Variants in PLCG2 observed in about 807,000 individuals in gnomAD.
The protein encoded by PLCG2 is 1-phosphatidylinositol 4,5-bisphosphate phosphodiesterase gamma-2.
In PLCG2, 69 loss-of-function variants were observed where a neutral mutation model predicts 175.6. The ratio of observed to expected loss-of-function variants is 0.39; its 90% CI spans 0.32 to 0.48. PLCG2 has a LOEUF of 0.48. Ranked by LOEUF, PLCG2 falls within the 20% of genes least tolerant of loss-of-function variation. PLCG2 has a pLI of 0.91. For synonymous variants in PLCG2, 827 were observed against 624.0 expected, an observed-to-expected ratio of 1.33 and a Z score of -4.85; for missense variants, 1,798 against 1,650.9, an observed-to-expected ratio of 1.09 and a Z score of -1.54.
At chr16:81,816,313 G>T (rs892720645) in intron 2 of PLCG2, among the ~76,000 whole-genome samples, 1 of 152,150 alleles carries the variant, frequency 6.6e-6, no homozygotes, top group African/African-American at 2.4e-5. Context: ...GGAAGTTACA[G>T]TGAGTCCAAA....
chr16:81,811,590 A>C (rs1028160813), intron 2 of PLCG2, among the ~76,000 whole-genome samples: 4 of 151,698 alleles, frequency 2.6e-5, no homozygotes, highest in Non-Finnish European at 4.4e-5. Flanking sequence ...TCATTGTTCA[A>C]CTCGCACTTA....
At chr16:81,919,148 C>G (rs1909959508) in intron 19 of PLCG2, among the ~76,000 whole-genome samples, 1 of 152,132 alleles carries the variant, frequency 6.6e-6, no homozygotes, top group African/African-American at 2.4e-5. Flanking sequence ...TTTATAAAAG[C>G]AGGTGGTGGG....
chr16:81,818,638 T>G (rs571700212), intron 2 of PLCG2, among the ~76,000 whole-genome samples: 1 of 152,116 alleles, frequency 6.6e-6, no homozygotes, highest in African/African-American at 2.4e-5. Context: ...CAGAGCCAAC[T>G]AGCCGGGCAT....
intron 2 of PLCG2, among the ~76,000 whole-genome samples, chr16:81,760,742 C>A (rs183878108): frequency 1.3e-5 from 1 of 78,846 alleles, no homozygotes; most frequent in East Asian, 4.3e-4. Context: ...GAGACCCCGT[C>A]TCTATTAAAA....
chr16:81,799,598 ATTTT>A (rs35033377), intron 2 of PLCG2, among the ~76,000 whole-genome samples: 1 of 134,646 alleles, frequency 7.4e-6, no homozygotes. Flanking sequence ...CCTGTTATTA[ATTTT>A]TTTTTTTTTT....
chr16:81,927,734 A>T (rs1204341794), intron 23 of PLCG2, among the ~76,000 whole-genome samples: 1 of 152,136 alleles, frequency 6.6e-6, no homozygotes, highest in South Asian at 2.1e-4. Context: ...TTTCTAAGGG[A>T]TGTAGGGCAA....
In PLCG2 at chr16:81,814,543, A is replaced by G. The variant is rs533459559; in HGVS notation, c.193+28361A>G. On this transcript the variant is annotated intron_variant, in intron 2 of 32. Coordinates refer to ENST00000564138, the MANE Select transcript of PLCG2 (RefSeq NM_002661.5). The stretch of plus-strand genomic sequence containing the variant: ...TCCCATCTCTACTAAAACAATACGA[A>G]AATTAGCCAGGCATGGTGGCATGTG... Among the ~76,000 whole-genome samples the G allele has an allele frequency of 2.6e-5, 4 of 152,192 alleles. No individual in the cohort carries two copies. The South Asian group carries it at 6.2e-4, about 24-fold the overall frequency.
chr16:81,799,179 T>C (rs1188583567), intron 2 of PLCG2, among the ~76,000 whole-genome samples: 1 of 152,224 alleles, frequency 6.6e-6, no homozygotes, highest in Admixed American at 6.5e-5. Flanking sequence ...TGTTCATTGG[T>C]AGACACATTT....
chr16:81,816,330 C>T (rs1363030814), intron 2 of PLCG2, among the ~76,000 whole-genome samples: 1 of 152,148 alleles, frequency 6.6e-6, no homozygotes, highest in Non-Finnish European at 1.5e-5. Flanking sequence ...CAAATCGTGC[C>T]ACTACACTCC....
At chr16:81,927,734 A>G (rs1204341794) in intron 23 of PLCG2, among the ~76,000 whole-genome samples, 7 of 152,136 alleles carry the variant, frequency 4.6e-5, no homozygotes, top group Non-Finnish European at 8.8e-5. Context: ...TTTCTAAGGG[A>G]TGTAGGGCAA....
intron 1 of PLCG2, among the ~76,000 whole-genome samples, chr16:81,782,168 G>A (rs575041185): frequency 1.3e-5 from 2 of 152,208 alleles, no homozygotes; most frequent in East Asian, 3.9e-4. Flanking sequence ...AAGCCACCGT[G>A]CCTGGCCCAT....
chr16:81,869,007 A>G (rs1217338332), intron 5 of PLCG2, among the ~76,000 whole-genome samples: 1 of 152,248 alleles, frequency 6.6e-6, no homozygotes, highest in Admixed American at 6.5e-5. Context: ...TATGTGACCC[A>G]TGTCCATGGA....
intron 19 of PLCG2, among the ~76,000 whole-genome samples, chr16:81,916,145 T>TC (rs397856005): frequency 1.5e-4 from 23 of 152,146 alleles, no homozygotes; most frequent in Non-Finnish European, 2.8e-4. Context: ...TCTGTTTTTT[T>TC]AGAAGGAATA....
intron 19 of PLCG2, among the ~76,000 whole-genome samples, chr16:81,918,908 T>G (rs79914340): frequency 8.3e-6 from 1 of 120,218 alleles, no homozygotes; most frequent in Admixed American, 8.2e-5. Context: ...CTTTTTTTTT[T>G]TAAAAAAAGT....
chr16:81,885,908 G>C (rs537269253), intron 9 of PLCG2, among the ~76,000 whole-genome samples: 1 of 152,166 alleles, frequency 6.6e-6, no homozygotes, highest in South Asian at 2.1e-4. Flanking sequence ...TCAAAAGAAG[G>C]CTTATTTGCC....
intron 11 of PLCG2, among the ~76,000 whole-genome samples, chr16:81,891,986 G>A (rs2143604004): frequency 6.6e-6 from 1 of 152,334 alleles, no homozygotes; most frequent in South Asian, 2.1e-4. Flanking sequence ...GGGAGCTGGG[G>A]ATGTGGCTGT....
chr16:81,889,311 T>C, intron 10 of PLCG2, 38 bp downstream of exon 10: 1 of 1,087,716 alleles, frequency 9.2e-7, no homozygotes, highest in Non-Finnish European at 1.4e-6. Context: ...GGGGGTGACT[T>C]TTTGATTGAT....
At chr16:81,897,699 T>A (rs1288049723) in intron 13 of PLCG2, among the ~76,000 whole-genome samples, 1 of 151,946 alleles carries the variant, frequency 6.6e-6, no homozygotes, top group African/African-American at 2.4e-5. Context: ...GCATCCACCA[T>A]CATGCCCGGC....
intron 1 of PLCG2, chr16:81,783,050 G>A: frequency 2.2e-6 from 1 of 449,000 alleles, no homozygotes; most frequent in South Asian, 1.6e-5. Flanking sequence ...GGGACCCTGG[G>A]GAAGGTTAAG....
Sources: gnomAD v4.1 joint callset for allele counts (sites outside exome capture counted in the v4.1 genomes callset) on GRCh38, gnomAD v4.1.1 for gene constraint, MANE v1.5 for transcripts, NCBI Gene and HGNC (gene_info 2026-07-23, HGNC 2026-07-21) for gene names.